The following NCOR2 variants were observed in gnomAD, a reference collection of about 807,000 sequenced individuals.
NCOR2 encodes nuclear receptor corepressor 2, also known as CTG repeat protein 26.
A neutral mutation model predicts 262.9 loss-of-function variants in NCOR2; 81 were observed. The ratio of observed to expected loss-of-function variants is 0.31; its 90% CI spans 0.26 to 0.37. The LOEUF (loss-of-function observed/expected upper bound fraction) is 0.37, where lower values mean the gene tolerates loss of function less well. Ranked by LOEUF, NCOR2 falls within the 10% of genes least tolerant of loss-of-function variation. The pLI is 1.00. For synonymous variants in NCOR2, 1,659 were observed against 1,559.3 expected, an observed-to-expected ratio of 1.06 and a Z score of -1.51; for missense variants, 3,385 against 3,621.4, an observed-to-expected ratio of 0.93 and a Z score of 1.68.
At chr12:124,371,160 G>A (rs2136020077) in intron 20 of NCOR2, among the ~76,000 whole-genome samples, 1 of 152,140 alleles carries the variant, frequency 6.6e-6, no homozygotes, top group African/African-American at 2.4e-5. Flanking sequence ...AGAACAAAAT[G>A]CAGCCCCCAC....
chr12:124,459,984 G>A (rs1000381525), intron 5 of NCOR2, among the ~76,000 whole-genome samples: 2 of 152,120 alleles, frequency 1.3e-5, no homozygotes, highest in South Asian at 2.1e-4. Context: ...ACATGCTCTC[G>A]CCTGCCTCTT....
At chr12:124,437,018 G>A (rs960919102) in intron 8 of NCOR2, among the ~76,000 whole-genome samples, 3 of 152,162 alleles carry the variant, frequency 2.0e-5, no homozygotes, top group East Asian at 1.9e-4. Context: ...CCCGAGAGGC[G>A]GAGGCTGCAG....
intron 12 of NCOR2, among the ~76,000 whole-genome samples, chr12:124,421,826 T>C (rs2043219334): frequency 6.6e-6 from 1 of 152,192 alleles, no homozygotes; most frequent in Non-Finnish European, 1.5e-5. Flanking sequence ...CCAGGCACAG[T>C]CCAACCAGCC....
chr12:124,335,320 C>G (rs530486060), intron 39 of NCOR2, 40 bp from the exon 42 acceptor site: 1 of 1,529,338 alleles, frequency 6.5e-7, no homozygotes, highest in African/African-American at 1.4e-5. Flanking sequence ...TGTCTGCTGG[C>G]CCCAGGGCTG....
intron 16 of NCOR2, chr12:124,388,790 G>T (rs986636591): frequency 6.9e-6 from 9 of 1,302,256 alleles, no homozygotes; most frequent in Non-Finnish European, 9.1e-6. Context: ...GGGCGGCCGC[G>T]GTCGGCTCTG....
intron 12 of NCOR2, among the ~76,000 whole-genome samples, chr12:124,421,397 A>G (rs1294207689): frequency 2.0e-5 from 3 of 152,208 alleles, no homozygotes; most frequent in Admixed American, 6.5e-5. Flanking sequence ...GCCCTAACCT[A>G]GAGTCCGCCG....
At chr12:124,461,833 C>T (rs1161546179) in intron 5 of NCOR2, among the ~76,000 whole-genome samples, 1 of 152,252 alleles carries the variant, frequency 6.6e-6, no homozygotes, top group Non-Finnish European at 1.5e-5. Flanking sequence ...AATGTTCACG[C>T]ATGTGCACAC....
chr12:124,413,206 C>T (rs866199094), intron 13 of NCOR2, among the ~76,000 whole-genome samples: 4 of 152,340 alleles, frequency 2.6e-5, no homozygotes, highest in East Asian at 3.9e-4. Flanking sequence ...GGCACGTGGG[C>T]GCTGTTGACC....
intron 17 of NCOR2, among the ~76,000 whole-genome samples, chr12:124,384,143 T>A (rs967680101): frequency 2.0e-5 from 3 of 152,176 alleles, no homozygotes; most frequent in African/African-American, 7.2e-5. Context: ...TGCCCCCAAG[T>A]CATCCTGGAT....
chr12:124,436,718 C>G (rs982575261), intron 8 of NCOR2, among the ~76,000 whole-genome samples: 3 of 152,206 alleles, frequency 2.0e-5, no homozygotes, highest in African/African-American at 7.2e-5. Flanking sequence ...AAGCACAGCT[C>G]TCTCCGGCTC....
chr12:124,475,819 C>T (rs2047074047), intron 3 of NCOR2, among the ~76,000 whole-genome samples: 2 of 152,178 alleles, frequency 1.3e-5, no homozygotes, highest in Admixed American at 6.5e-5. Context: ...GGGGCTCCCA[C>T]GTCAGAAATG....
chr12:124,564,483 AACAC>A (rs971530229), intron 1 of NCOR2, among the ~76,000 whole-genome samples: 1 of 151,954 alleles, frequency 6.6e-6, no homozygotes, highest in Non-Finnish European at 1.5e-5. Flanking sequence ...GGGAAGGGAA[AACAC>A]ACACACACAA....
intron 1 of NCOR2, among the ~76,000 whole-genome samples, chr12:124,524,665 T>C (rs2050361145): frequency 6.6e-6 from 1 of 152,214 alleles, no homozygotes; most frequent in South Asian, 2.1e-4. Flanking sequence ...CTAACTCGGC[T>C]CGAGTGTGTC....
intron 1 of NCOR2, among the ~76,000 whole-genome samples, chr12:124,528,818 ATTTCTTATCG>A: frequency 6.6e-6 from 1 of 152,302 alleles, no homozygotes; most frequent in Non-Finnish European, 1.5e-5. Flanking sequence ...CATGAGTTTC[ATTTCTTATCG>A]GAATGGAAGT....
Position 124,354,208 on chromosome 12 carries a change from A to C in NCOR2, c.3590-12T>G. 1 of 1,584,636 alleles carries C rather than the reference A, an allele frequency of 6.3e-7. No individual in the cohort carries two copies. ...GCCCAGAGCTGTCCCTGGAAGACAC[A>C]AGATGTGGGGCTGAGGGCGTGTCTG... On this transcript the variant is annotated splice_polypyrimidine_tract_variant and intron_variant, in intron 26 of 46. Transcript: ENST00000405201.
intron 1 of NCOR2, among the ~76,000 whole-genome samples, chr12:124,501,117 C>T (rs2048708983): frequency 6.6e-6 from 1 of 151,126 alleles, no homozygotes; most frequent in Non-Finnish European, 1.5e-5. Context: ...CTCGACAGAA[C>T]CCTCTGATAC....
rs1206264753 is a variant in NCOR2, at chr12:124,432,194, TAC to T, written c.883-1409_883-1408del. On this transcript the variant is annotated intron_variant, in intron 8 of 46. Transcript: ENST00000405201. The surrounding 1 kb of genome is among the most constrained non-coding windows in gnomAD (Gnocchi z 5.1). ...CGCAGGCAGACATGATGGACACACA[TAC>T]ACAGAGTCACACATGTAGACACACA... Among the ~76,000 whole-genome samples, 1 of 150,470 alleles carries T rather than the reference TAC, an allele frequency of 6.6e-6. No individual in the cohort carries two copies. The highest frequency in any genetic ancestry group is 2.5e-5 in the African/African-American group (1 of 40,802).
chr12:124,448,910 A>G (rs566089195), intron 7 of NCOR2, among the ~76,000 whole-genome samples: 16 of 152,222 alleles, frequency 1.1e-4, no homozygotes, highest in Admixed American at 9.2e-4. Flanking sequence ...AAACGCCTGT[A>G]CCCTCTCACC....
At chr12:124,335,806 C>A in intron 38 of NCOR2, 174 bp from the exon 41 acceptor site, 2 of 670,034 alleles carry the variant, frequency 3.0e-6, no homozygotes, top group Non-Finnish European at 4.9e-6. Flanking sequence ...TGGGGAGAGA[C>A]AGGGAGGCCA....
Sources: gnomAD v4.1 joint callset for allele counts (sites outside exome capture counted in the v4.1 genomes callset) on GRCh38, gnomAD v4.1.1 for gene constraint, Gnocchi (gnomAD v3.1) non-coding constraint, MANE v1.5 for transcripts, NCBI Gene and HGNC (gene_info 2026-07-23, HGNC 2026-07-21) for gene names.